The following IL6ST variants were observed in gnomAD, a reference collection of about 807,000 sequenced individuals.
The protein encoded by IL6ST is interleukin-6 receptor subunit beta.
A neutral mutation model predicts 91.3 loss-of-function variants in IL6ST; 24 were observed. That is an observed-to-expected ratio of 0.26 (90% CI 0.19 to 0.37). IL6ST has a LOEUF of 0.37. Ranked by LOEUF, IL6ST falls within the 10% of genes least tolerant of loss-of-function variation. IL6ST has a pLI of 1.00. For synonymous variants in IL6ST, 351 were observed against 373.6 expected (o/e 0.94, Z 0.70); for missense variants, 914 against 1,078.5 (o/e 0.85, Z 2.14).
intron 2 of IL6ST, among the ~76,000 whole-genome samples, chr5:55,976,828 A>G (rs1378343692): frequency 6.6e-6 from 1 of 152,190 alleles, no homozygotes; most frequent in African/African-American, 2.4e-5. Flanking sequence ...TTTCAACCTC[A>G]CTCAAAATGA....
At chr5:55,987,690 C>T (rs1179158774) in intron 1 of IL6ST, among the ~76,000 whole-genome samples, 2 of 152,188 alleles carry the variant, frequency 1.3e-5, no homozygotes, top group Non-Finnish European at 2.9e-5. Flanking sequence ...CCACCACCAC[C>T]TACCCATCTA....
intron 16 of IL6ST, 106 bp from the exon 17 acceptor site, chr5:55,941,925 A>G (rs1202421415): frequency 1.1e-6 from 1 of 931,716 alleles, no homozygotes; most frequent in Non-Finnish European, 1.6e-6. Context: ...AATAACCTGT[A>G]TTATGTCACT....
rs1750579171 is a variant in IL6ST, at chr5:55,937,115, T to C, written c.*3967A>G. ...AAACCTGTAGTTATCATTCAAAGCT[T>C]GTGTTCAAGAGATAAAAGAACATCA... On this transcript the variant is annotated 3_prime_UTR_variant, in exon 17 of 17. Coordinates refer to ENST00000381298, the MANE Select transcript of IL6ST (RefSeq NM_002184.4). 1 of 207,592 alleles carries C rather than the reference T, an allele frequency of 4.8e-6. No individual in the cohort carries two copies. The highest frequency in any genetic ancestry group is 9.8e-6 in the Non-Finnish European group (1 of 101,630). 12.9% of individuals were successfully genotyped at this position (207,592 alleles called of 1,614,324 possible). A position where few individuals can be genotyped will look rare whatever the true frequency, so the allele number is the denominator to read the frequency against.
chr5:55,994,486 A>C (rs1754529810), intron 1 of IL6ST, among the ~76,000 whole-genome samples: 1 of 152,116 alleles, frequency 6.6e-6, no homozygotes, highest in Admixed American at 6.5e-5. Context: ...GGTAACAAAA[A>C]GGGGGGTTTG....
In IL6ST at chr5:55,943,597, T is replaced by C. The variant is rs113795605; in HGVS notation, c.1938-846A>G. Among the ~76,000 whole-genome samples, 319 of 152,256 alleles carry C rather than the reference T, an allele frequency of 2.1e-3. 3 individuals carry two copies. The highest frequency in any genetic ancestry group is 4.2e-3 in the Non-Finnish European group (285 of 68,028). On this transcript the variant is annotated intron_variant, in intron 15 of 16. Transcript: ENST00000381298. ...ATCCAAGGAATGCAAAGATGTTATA[T>C]GAAAAATCAATAAAATGCACCATAT...
chr5:55,984,831 T>C (rs1753863763), intron 1 of IL6ST, among the ~76,000 whole-genome samples: 2 of 152,102 alleles, frequency 1.3e-5, no homozygotes, highest in South Asian at 2.1e-4. Flanking sequence ...TGTTACTAAG[T>C]ATTTCAGGTA....
intron 15 of IL6ST, among the ~76,000 whole-genome samples, chr5:55,945,030 G>A (rs6875110): frequency 0.21 from 29,393 of 140,294 alleles, 5,667 homozygotes; most frequent in African/African-American, 0.53. Context: ...TTTTAGCTGA[G>A]GAATTAAATC....
intron 11 of IL6ST, among the ~76,000 whole-genome samples, chr5:55,953,980 C>T (rs985664754): frequency 1.4e-4 from 21 of 152,084 alleles, no homozygotes; most frequent in Non-Finnish European, 1.0e-4. Flanking sequence ...GAGTGAGACC[C>T]TGTATTTATT....
chr5:55,959,157 A>G (rs1355863590), intron 8 of IL6ST, among the ~76,000 whole-genome samples: 1 of 152,196 alleles, frequency 6.6e-6, no homozygotes, highest in Non-Finnish European at 1.5e-5. Context: ...ACTAACCACA[A>G]TATTTTACCT....
intron 1 of IL6ST, among the ~76,000 whole-genome samples, chr5:55,986,901 C>T (rs1754005825): frequency 6.6e-6 from 1 of 152,130 alleles, no homozygotes; most frequent in Admixed American, 6.5e-5. Flanking sequence ...TTGGTAGCTC[C>T]CACCTGAAAT....
At position 55,956,239 on chromosome 5, in the gene IL6ST, T is replaced by G. The variant is rs1397653063; in HGVS notation, c.1057-4A>C. On this transcript the variant is annotated splice_region_variant and splice_polypyrimidine_tract_variant and intron_variant, in intron 9 of 16. Coordinates refer to ENST00000381298, the MANE Select transcript of IL6ST (RefSeq NM_002184.4). Reference sequence around the variant, plus strand: ...TGGCTTCAAAAGGAGGCAATGTCTGTAATAAAATAGTTTATTTTTAAAAAT... The same window carrying G: ...TGGCTTCAAAAGGAGGCAATGTCTGGAATAAAATAGTTTATTTTTAAAAAT... 1 of 1,500,536 alleles carries G rather than the reference T, an allele frequency of 6.7e-7. No individual in the cohort carries two copies. Among genetic ancestry groups the G allele is most frequent in the South Asian group, 1.2e-5 (1 of 85,760 alleles). The allele number at this position is 1,500,536 out of a possible 1,614,324, so 93.0% of individuals were successfully genotyped here. A position where few individuals can be genotyped will look rare whatever the true frequency, so the allele number is the denominator to read the frequency against.
intron 7 of IL6ST, among the ~76,000 whole-genome samples, chr5:55,963,108 C>G (rs1460105553): frequency 6.7e-6 from 1 of 150,352 alleles, no homozygotes; most frequent in African/African-American, 2.4e-5. Context: ...AAAAAAAAGC[C>G]ATTTCCTATC....
chr5:55,969,492 T>C, intron 4 of IL6ST, 58 bp downstream of exon 4: 3 of 1,111,204 alleles, frequency 2.7e-6, no homozygotes, highest in Admixed American at 2.2e-5. Context: ...AGGACAACAT[T>C]AAAAATGCAG....
At chr5:55,992,330 T>C (rs1754380921) in intron 1 of IL6ST, among the ~76,000 whole-genome samples, 1 of 152,250 alleles carries the variant, frequency 6.6e-6, no homozygotes, top group South Asian at 2.1e-4. Context: ...TCAAGCGTAC[T>C]GTATGGAGAC....
In IL6ST at chr5:55,938,246, G is replaced by T. The variant is rs181679892; in HGVS notation, c.*2836C>A. ...TAAATGAACAATTAGGTAGAGAAGA[G>T]GTATGAACACAGAACATGTGAATGA... On this transcript the variant is annotated 3_prime_UTR_variant, in exon 17 of 17. Transcript: ENST00000381298. The T allele has an allele frequency of 1.7e-4, 32 of 193,154 alleles. No homozygotes were observed. Among genetic ancestry groups the T allele is most frequent in the African/African-American group, 6.9e-4 (30 of 43,238 alleles). 12.0% of individuals were successfully genotyped at this position (193,154 alleles called of 1,614,324 possible).
At chr5:55,943,876 C>T (rs1751074381) in intron 15 of IL6ST, among the ~76,000 whole-genome samples, 1 of 152,112 alleles carries the variant, frequency 6.6e-6, no homozygotes, top group African/African-American at 2.4e-5. Context: ...TCAAGACCAG[C>T]CTGGCCAACA....
chr5:55,938,367 G>A lies in IL6ST; in HGVS notation c.*2715C>T, dbSNP rs1222751818. 1.0e-5 allele frequency: 2 copies of A among 191,340 alleles called. No homozygotes were observed. Among genetic ancestry groups the A allele is most frequent in the East Asian group, 1.7e-4 (2 of 12,030 alleles). The allele number at this position is 191,340 out of a possible 1,614,324, so 11.9% of individuals were successfully genotyped here. The stretch of plus-strand genomic sequence containing the variant: ...ATTTTAGGTTTTAATGGTACAAAGT[G>A]TGAAGTTTTATAGTTTTCTAATAAT... On this transcript the variant is annotated 3_prime_UTR_variant, in exon 17 of 17. Transcript: ENST00000381298.
chr5:55,967,864 C>T (rs1328478780), intron 5 of IL6ST, among the ~76,000 whole-genome samples: 3 of 151,712 alleles, frequency 2.0e-5, no homozygotes, highest in Non-Finnish European at 4.4e-5. Flanking sequence ...TGGTGCAATC[C>T]GGGCTCACTG....
chr5:55,980,950 A>C (rs111548264), intron 2 of IL6ST, among the ~76,000 whole-genome samples: 5,088 of 152,294 alleles, frequency 0.033, 292 homozygotes, highest in African/African-American at 0.12. Context: ...GGCAGGTCCC[A>C]AACTCCTGGT....
Sources: allele counts gnomAD v4.1 joint callset (sites outside exome capture counted in the v4.1 genomes callset), GRCh38; gene constraint gnomAD v4.1.1; transcripts MANE v1.5; gene names NCBI Gene and HGNC (gene_info 2026-07-23, HGNC 2026-07-21).